The following LSM4 variants were observed in gnomAD, a reference collection of about 807,000 sequenced individuals.
The protein encoded by LSM4 is U6 snRNA-associated Sm-like protein LSm4.
LSM4 carries 15 observed loss-of-function variants against 22.3 expected under a neutral mutation model. The ratio of observed to expected loss-of-function variants is 0.67; its 90% confidence interval spans 0.45 to 1.03. The LOEUF (loss-of-function observed/expected upper bound fraction) is 1.03, where lower values mean the gene tolerates loss of function less well. LSM4 is among the 50% of genes least tolerant of loss of function. The probability of loss-of-function intolerance (pLI) is 0.00; values close to 1 mark genes in which losing one functional copy is unlikely to be tolerated. For missense variants in LSM4, 127 were observed against 198.0 expected (o/e 0.64, Z 2.15); for synonymous variants, 90 against 79.8 (o/e 1.13, Z -0.68).
At chr19:18,316,166 G>T in intron 1 of LSM4, 101 bp from the exon 2 acceptor site, 1 of 1,074,310 alleles carries the variant, frequency 9.3e-7, no homozygotes, top group Non-Finnish European at 1.4e-6. Flanking sequence ...CGGTGCGGTT[G>T]AGGGGGCACA....
intron 3 of LSM4, 176 bp downstream of exon 3, chr19:18,312,427 CT>C (rs1196365906): frequency 5.4e-6 from 3 of 556,332 alleles, no homozygotes; most frequent in Non-Finnish European, 6.4e-6. Flanking sequence ...CCAGGGCACA[CT>C]GGGAGACTTG....
rs762157288 is a variant in LSM4 at position 18,309,570 on chromosome 19, G to A, written c.328+108C>T. 19 of 1,240,598 alleles carry A rather than the reference G, an allele frequency of 1.5e-5. No homozygotes were observed. The Admixed American group carries it at 3.9e-4, about 26-fold the overall frequency. 76.8% of individuals were successfully genotyped at this position (1,240,598 alleles called of 1,614,324 possible). On this transcript the variant is annotated intron_variant, in intron 4 of 4. Coordinates refer to ENST00000593829, the MANE Select transcript of LSM4 (RefSeq NM_012321.5). ...AAGGACCAGGAGGGGGGCCCGGGAG[G>A]GTTGGGAGGCTCCGAGGCAGCGCTG...
intron 2 of LSM4, 102 bp from the exon 3 acceptor site, chr19:18,312,804 G>T: frequency 1.2e-6 from 1 of 861,626 alleles, no homozygotes; most frequent in Non-Finnish European, 1.9e-6. Flanking sequence ...ACCACCTCCG[G>T]GCCTCAGCCC....
intron 3 of LSM4, 128 bp from the exon 4 acceptor site, chr19:18,309,989 A>G: frequency 1.2e-6 from 1 of 861,850 alleles, no homozygotes; most frequent in Non-Finnish European, 1.8e-6. Flanking sequence ...GCACAGTATC[A>G]GTCCCGGGAC....
intron 1 of LSM4, among the ~76,000 whole-genome samples, chr19:18,320,508 CAAAA>C (rs976654656): frequency 6.6e-6 from 1 of 151,528 alleles, no homozygotes; most frequent in Non-Finnish European, 1.5e-5. Flanking sequence ...CTCTGAAAAA[CAAAA>C]AAAGTCTAGA....
chr19:18,314,142 T>C (rs1021878975), intron 2 of LSM4, among the ~76,000 whole-genome samples: 1 of 151,996 alleles, frequency 6.6e-6, no homozygotes, highest in Non-Finnish European at 1.5e-5. Flanking sequence ...CAGGCAACCA[T>C]ACAAAAATGT....
At chr19:18,314,896 T>TC (rs1477853157) in intron 2 of LSM4, among the ~76,000 whole-genome samples, 1 of 151,810 alleles carries the variant, frequency 6.6e-6, no homozygotes, top group East Asian at 1.9e-4. Flanking sequence ...ATTATCCTTT[T>TC]TTTTTTGAGA....
chr19:18,307,779 A>C (rs1470381672), intron 4 of LSM4, among the ~76,000 whole-genome samples: 1 of 49,462 alleles, frequency 2.0e-5, no homozygotes, highest in East Asian at 6.0e-4. Context: ...CCCAGCCCCC[A>C]GGGATGCGGG....
chr19:18,307,612 G>C, intron 4 of LSM4, 57 bp from the exon 5 acceptor site: 1 of 1,280,872 alleles, frequency 7.8e-7, no homozygotes, highest in Non-Finnish European at 1.0e-6. Flanking sequence ...CCTTCGACAG[G>C]ATCCCGGCGC....
Position 18,307,269 on chromosome 19 carries a change from C to A in LSM4, c.*195G>T. On this transcript the variant is annotated 3_prime_UTR_variant, in exon 5 of 5. Coordinates refer to ENST00000593829, the MANE Select transcript of LSM4 (RefSeq NM_012321.5). ...GCCGTTTCACAAAACCAAAAAACAC[C>A]AAGTAACATTTCTAACCGGAGAATT... 2.2e-6 allele frequency: 1 copy of A among 447,614 alleles called. No homozygotes were observed. Among genetic ancestry groups the A allele is most frequent in the Non-Finnish European group, 3.9e-6 (1 of 257,426 alleles). The allele number at this position is 447,614 out of a possible 1,614,324, so 27.7% of individuals were successfully genotyped here.
intron 1 of LSM4, chr19:18,316,331 T>C: frequency 3.6e-6 from 1 of 275,474 alleles, no homozygotes; most frequent in Non-Finnish European, 6.8e-6. Flanking sequence ...CTGAACACTC[T>C]GGTCAATTTT....
chr19:18,307,482 T>C lies in LSM4; in HGVS notation c.402A>G (p.Arg134=). 3 of 1,551,474 alleles carry C rather than the reference T, an allele frequency of 1.9e-6. No individual in the cohort carries two copies. The highest frequency in any genetic ancestry group is 2.6e-6 in the Non-Finnish European group (3 of 1,149,290). ...TGGGCGCTCACTGTTTGCCCGCCTG[T>C]CTGCCAGGCTTCTTCTCTGGCTGGC... The part of the protein sequence containing the change: ...GRGQPEKKPG[R]QAGKQ The change falls in exon 5 of 5, where the codon AGA becomes AGG. Residue 134 remains arginine, a synonymous_variant. Transcript: ENST00000593829.
Position 18,312,656 on chromosome 19 carries a change from C to A in LSM4, c.92G>T (p.Ser31Ile), listed in dbSNP as rs375114567. The change falls in exon 3 of 5, where the codon AGC (serine) becomes ATC (isoleucine). Residue 31 changes from serine to isoleucine, a missense_variant. Coordinates refer to ENST00000593829, the MANE Select transcript of LSM4 (RefSeq NM_012321.5). Reference sequence around the variant, plus strand: ...GTTAATGTTCATCCAGTTGTCGCAGCTCACCAGGTGTCCATTGTACGTCTC... The same window carrying A: ...GTTAATGTTCATCCAGTTGTCGCAGATCACCAGGTGTCCATTGTACGTCTC... ...NGETYNGHLV[S>I]CDNWMNINLR... 1.2e-6 allele frequency: 2 copies of A among 1,613,940 alleles called. No individual in the cohort carries two copies. The highest frequency in any genetic ancestry group is 2.7e-5 in the African/African-American group (2 of 74,934).
intron 3 of LSM4, chr19:18,310,309 C>T (rs1487303458): frequency 5.0e-6 from 1 of 198,442 alleles, no homozygotes; most frequent in Non-Finnish European, 1.0e-5. Context: ...CCCCACCTCA[C>T]TTCTGGAAGC....
chr19:18,316,643 T>C (rs1970359644), intron 1 of LSM4, among the ~76,000 whole-genome samples: 1 of 152,130 alleles, frequency 6.6e-6, no homozygotes, highest in African/African-American at 2.4e-5. Context: ...CCACCGTGCC[T>C]GCCCTAATGC....
chr19:18,306,421 G>C lies in LSM4; in HGVS notation c.*1043C>G, dbSNP rs1166056187. 2.6e-5 allele frequency: 4 copies of C among 152,210 alleles called. No individual in the cohort carries two copies. Among genetic ancestry groups the C allele is most frequent in the African/African-American group, 9.7e-5 (4 of 41,434 alleles). 9.4% of individuals were successfully genotyped at this position (152,210 alleles called of 1,614,324 possible). A position where few individuals can be genotyped will look rare whatever the true frequency, so the allele number is the denominator to read the frequency against. ...AAAGCGCTGACTCAGTGTCTCAGGT[G>C]CGCGCCCGAGGAGTGGCAAACCCGG... On this transcript the variant is annotated 3_prime_UTR_variant, in exon 5 of 5. Transcript: ENST00000593829.
chr19:18,318,429 C>T (rs1970383917), intron 1 of LSM4, among the ~76,000 whole-genome samples: 1 of 152,222 alleles, frequency 6.6e-6, no homozygotes, highest in South Asian at 2.1e-4. Flanking sequence ...GCCATGTGGC[C>T]CCGGGGCAGC....
At chr19:18,316,299 T>G in intron 1 of LSM4, 3 of 401,550 alleles carry the variant, frequency 7.5e-6, no homozygotes, top group Non-Finnish European at 9.2e-6. Flanking sequence ...CTCCCGTAGG[T>G]GGCCACCACC....
chr19:18,317,323 G>A (rs1238767416), intron 1 of LSM4, among the ~76,000 whole-genome samples: 1 of 141,324 alleles, frequency 7.1e-6, no homozygotes, highest in Admixed American at 7.5e-5. Flanking sequence ...CCCCCCGCCT[G>A]AACTGGGTTT....
Sources: allele counts gnomAD v4.1 joint callset (sites outside exome capture counted in the v4.1 genomes callset), GRCh38; gene constraint gnomAD v4.1.1; transcripts MANE v1.5; gene names NCBI Gene and HGNC (gene_info 2026-07-23, HGNC 2026-07-21).